The following TRAPPC9 variants were observed in gnomAD, a reference collection of about 807,000 sequenced individuals.
The protein encoded by TRAPPC9 is IKK2 binding protein.
Under a neutral mutation model 124.0 loss-of-function variants are expected in TRAPPC9, and 83 were observed. The observed-to-expected ratio is 0.67, with a 90% CI of 0.56 to 0.80. TRAPPC9 has a LOEUF of 0.80. Among genes scored for constraint, TRAPPC9 ranks in the 30% least tolerant of loss-of-function variants. The probability of loss-of-function intolerance (pLI) is 0.00; values close to 1 mark genes in which losing one functional copy is unlikely to be tolerated. For missense variants in TRAPPC9, 1,302 were observed against 1,508.3 expected, an observed-to-expected ratio of 0.86 and a Z score of 2.27; for synonymous variants, 638 against 617.5, an observed-to-expected ratio of 1.03 and a Z score of -0.49.
At chr8:140,010,436 A>G (rs539720520) in intron 18 of TRAPPC9, among the ~76,000 whole-genome samples, 2 of 152,362 alleles carry the variant, frequency 1.3e-5, no homozygotes, top group South Asian at 4.1e-4. Context: ...TTGTAGTAAA[A>G]TGCAGATAGC....
rs566265786 is a variant in TRAPPC9 at position 139,963,588 on chromosome 8, CCTTTCA to C, written c.2810+25132_2810+25137del. ...GCCTCAGGTCACGTGGGCCCCTTTC[CCTTTCA>C]CTTTTAGATGATCTACCAGGAAATG... is the stretch of plus-strand genomic sequence containing the variant. On this transcript the variant is annotated intron_variant, in intron 19 of 22. Transcript: ENST00000438773. 3.1e-3 allele frequency among the ~76,000 whole-genome samples: 470 copies of C among 152,100 alleles called. 3 individuals are homozygous for C. Among genetic ancestry groups the C allele is most frequent in the African/African-American group, 0.01 (429 of 41,484 alleles).
intron 17 of TRAPPC9, among the ~76,000 whole-genome samples, chr8:140,106,114 G>C (rs1436763345): frequency 6.6e-6 from 1 of 151,738 alleles, no homozygotes; most frequent in Non-Finnish European, 1.5e-5. Flanking sequence ...AATCACACAG[G>C]GCTCAGCTCA....
At chr8:139,758,535 G>A (rs1445997898) in intron 21 of TRAPPC9, among the ~76,000 whole-genome samples, 1 of 152,176 alleles carries the variant, frequency 6.6e-6, no homozygotes, top group Admixed American at 6.5e-5. Flanking sequence ...CGGGGGCAGG[G>A]GATGGGGATG....
chr8:140,303,505 T>C (rs748758208), intron 10 of TRAPPC9, among the ~76,000 whole-genome samples: 6 of 152,240 alleles, frequency 3.9e-5, no homozygotes, highest in South Asian at 4.1e-4. Flanking sequence ...AGATCACTTA[T>C]AGTTCTATCA....
intron 15 of TRAPPC9, among the ~76,000 whole-genome samples, chr8:140,258,924 G>A (rs1436430361): frequency 6.6e-6 from 1 of 152,220 alleles, no homozygotes; most frequent in Admixed American, 6.5e-5. Context: ...CTGAGGCCCT[G>A]TAAGAGCCTC....
intron 2 of TRAPPC9, among the ~76,000 whole-genome samples, chr8:140,443,114 G>A (rs1195506574): frequency 7.1e-5 from 8 of 112,570 alleles, no homozygotes; most frequent in Admixed American, 4.6e-4. Flanking sequence ...GCCTGGCAAC[G>A]GAGCGAGACT....
chr8:139,960,442 G>A (rs972055122), intron 19 of TRAPPC9, among the ~76,000 whole-genome samples: 4 of 152,164 alleles, frequency 2.6e-5, no homozygotes, highest in Admixed American at 6.5e-5. Flanking sequence ...CTCTGTACCT[G>A]GTCTGAACTG....
At chr8:140,185,472 C>A (rs1425981968) in intron 17 of TRAPPC9, among the ~76,000 whole-genome samples, 2 of 152,224 alleles carry the variant, frequency 1.3e-5, no homozygotes, top group African/African-American at 4.8e-5. Flanking sequence ...TCAGGCCTAA[C>A]AGGGCAGCTC....
chr8:139,757,155 C>G (rs1231466469), intron 21 of TRAPPC9, among the ~76,000 whole-genome samples: 1 of 122,342 alleles, frequency 8.2e-6, no homozygotes, highest in East Asian at 2.5e-4. Flanking sequence ...GACAGCAGGT[C>G]GCAGGAGGAG....
intron 15 of TRAPPC9, among the ~76,000 whole-genome samples, chr8:140,274,900 A>AC (rs1221109161): frequency 6.6e-6 from 1 of 152,064 alleles, no homozygotes; most frequent in Non-Finnish European, 1.5e-5. Flanking sequence ...CACATAAAAC[A>AC]CCCCAAAGTC....
At chr8:140,090,005 G>A (rs1056681205) in intron 17 of TRAPPC9, among the ~76,000 whole-genome samples, 7 of 152,092 alleles carry the variant, frequency 4.6e-5, no homozygotes, top group African/African-American at 9.7e-5. Context: ...ACTTGAACAC[G>A]GGAGGTGGAG....
intron 19 of TRAPPC9, among the ~76,000 whole-genome samples, chr8:139,976,133 C>T (rs899016762): frequency 3.9e-5 from 6 of 151,902 alleles, no homozygotes; most frequent in Admixed American, 1.3e-4. Context: ...CCTCGTGATC[C>T]GCTCGCCTCA....
At chr8:139,921,571 T>C (rs1256454087) in intron 19 of TRAPPC9, among the ~76,000 whole-genome samples, 2 of 151,930 alleles carry the variant, frequency 1.3e-5, no homozygotes. Context: ...GAGAGAAGTG[T>C]TGACCAAGTT....
At position 140,231,660 on chromosome 8, in the gene TRAPPC9, A is replaced by ATT. The variant is rs71520265; in HGVS notation, c.2432-10079_2432-10078dup. Among the ~76,000 whole-genome samples the ATT allele has an allele frequency of 6.2e-3, 791 of 127,878 alleles. 23 individuals carry two copies. The East Asian group carries it at 0.093, about 15-fold the overall frequency. 83.9% of individuals were successfully genotyped at this position (127,878 alleles called of 152,430 possible). A position where few individuals can be genotyped will look rare whatever the true frequency, so the allele number is the denominator to read the frequency against. On this transcript the variant is annotated intron_variant, in intron 16 of 22. Coordinates refer to ENST00000438773, the MANE Select transcript of TRAPPC9 (RefSeq NM_001160372.4). ...GGTGTGGCACCACCACACACAGCTA[A>ATT]TTTTTTTTTTTTTTTTTTGTATTTT... is the stretch of plus-strand genomic sequence containing the variant.
intron 21 of TRAPPC9, among the ~76,000 whole-genome samples, chr8:139,733,497 T>C (rs1206136659): frequency 1.3e-5 from 2 of 152,120 alleles, no homozygotes; most frequent in South Asian, 2.1e-4. Context: ...GTGGCCCTGT[T>C]GTGGAGGTCC....
intron 16 of TRAPPC9, among the ~76,000 whole-genome samples, chr8:140,243,129 G>A (rs975523531): frequency 4.6e-5 from 7 of 152,184 alleles, no homozygotes; most frequent in African/African-American, 2.4e-5. Context: ...CGAAGAGCTG[G>A]GTGGGCCGAG....
chr8:140,315,225 T>C (rs1588140462), intron 9 of TRAPPC9, among the ~76,000 whole-genome samples: 1 of 146,874 alleles, frequency 6.8e-6, no homozygotes. Context: ...TTTTGGCCAT[T>C]TGTATGTCTT....
chr8:140,295,615 C>A (rs1269403433), intron 11 of TRAPPC9, among the ~76,000 whole-genome samples: 1 of 152,230 alleles, frequency 6.6e-6, no homozygotes, highest in Non-Finnish European at 1.5e-5. Context: ...ATGATGGCCA[C>A]ACCAGCCAAC....
At chr8:140,280,984 T>C (rs1714885254) in intron 14 of TRAPPC9, among the ~76,000 whole-genome samples, 1 of 152,214 alleles carries the variant, frequency 6.6e-6, no homozygotes, top group African/African-American at 2.4e-5. Flanking sequence ...CGTCCCTTCA[T>C]TGCGGAGTGG....
Sources: gnomAD v4.1 joint callset for allele counts (sites outside exome capture counted in the v4.1 genomes callset) on GRCh38, gnomAD v4.1.1 for gene constraint, MANE v1.5 for transcripts, NCBI Gene and HGNC (gene_info 2026-07-23, HGNC 2026-07-21) for gene names.